NBEAL1: variants seen among roughly 807,000 people sequenced by gnomAD.
NBEAL1 encodes neurobeachin like 1.
NBEAL1 carries 273 observed loss-of-function variants against 351.3 expected under a neutral mutation model. That is an observed-to-expected ratio of 0.78 (90% CI 0.70 to 0.86). NBEAL1 has a LOEUF of 0.86. NBEAL1 is among the 40% of genes least tolerant of loss of function. NBEAL1 has a pLI of 0.00. For synonymous variants in NBEAL1, 1,050 were observed against 1,086.4 expected (o/e 0.97, Z 0.66); for missense variants, 2,961 against 3,201.3 (o/e 0.92, Z 1.81).
At chr2:203,195,865 C>G (rs2065226985) in intron 47 of NBEAL1, among the ~76,000 whole-genome samples, 1 of 152,170 alleles carries the variant, frequency 6.6e-6, no homozygotes, top group South Asian at 2.1e-4. Flanking sequence ...ATTCCAAACT[C>G]CAGAAGAAAA....
At chr2:203,125,072 T>C (rs1241543252) in intron 19 of NBEAL1, among the ~76,000 whole-genome samples, 1 of 152,204 alleles carries the variant, frequency 6.6e-6, no homozygotes, top group East Asian at 1.9e-4. Flanking sequence ...AGTCCACTTA[T>C]GGGGCTATGT....
At position 203,201,665 on chromosome 2, in the gene NBEAL1, T is replaced by G; in HGVS notation, c.7361T>G (p.Val2454Gly). The G allele has an allele frequency of 1.2e-6, 2 of 1,609,820 alleles. No individual in the cohort carries two copies. Among genetic ancestry groups the G allele is most frequent in the Non-Finnish European group, 1.7e-6 (2 of 1,177,550 alleles). ...SAGYWDNSIQ[V>G]MSLTKGKIIS... ...GGATACTGGGATAATAGCATTCAAGTGATGTCACTTACAAAAGGCAAAATT... is the reference window on the plus strand; with the variant it reads ...GGATACTGGGATAATAGCATTCAAGGGATGTCACTTACAAAAGGCAAAATT... Residue 2454 changes from valine to glycine, a missense_variant, in exon 50 of 56, where the codon GTG becomes GGG. Val to Gly is a moderately radical substitution (Grantham distance 109, BLOSUM62 -3). Coordinates refer to ENST00000683969, the MANE Select transcript of NBEAL1 (RefSeq NM_001378026.1).
intron 45 of NBEAL1, among the ~76,000 whole-genome samples, 184 bp downstream of exon 45, chr2:203,188,773 CTAAT>C (rs1418466469): frequency 6.6e-6 from 1 of 152,186 alleles, no homozygotes; most frequent in Non-Finnish European, 1.5e-5. Context: ...ATATGCCAAT[CTAAT>C]TATAAATGTC....
At chr2:203,154,096 C>T (rs760647506) in intron 35 of NBEAL1, among the ~76,000 whole-genome samples, 3 of 151,196 alleles carry the variant, frequency 2.0e-5, no homozygotes, top group Admixed American at 6.6e-5. Context: ...ATTAGCCGGG[C>T]GTAGTGACGT....
At chr2:203,087,185 T>C (rs1360704592) in intron 10 of NBEAL1, among the ~76,000 whole-genome samples, 1 of 147,622 alleles carries the variant, frequency 6.8e-6, no homozygotes, top group Non-Finnish European at 1.5e-5. Flanking sequence ...CTCCGCCTCC[T>C]GGGTTCAAGC....
chr2:203,070,505 A>G (rs888699794), intron 7 of NBEAL1, among the ~76,000 whole-genome samples: 2 of 152,040 alleles, frequency 1.3e-5, no homozygotes, highest in Non-Finnish European at 2.9e-5. Flanking sequence ...CTGGGACTAC[A>G]TGAATGCACC....
At position 203,062,340 on chromosome 2, in the gene NBEAL1, CCAG is replaced by C; in HGVS notation, c.515+4890_515+4892del. On this transcript the variant is annotated intron_variant, in intron 6 of 55. Coordinates refer to ENST00000683969, the MANE Select transcript of NBEAL1 (RefSeq NM_001378026.1). The surrounding 1 kb of genome is among the most constrained non-coding windows in gnomAD (Gnocchi z 4.2). Reference sequence around the variant, plus strand: ...TATAAGAGTTTCTTCTGGGAAAAATCCAGCAACGCCCACTCCTGAGGGGTGAAG... The same window carrying C: ...TATAAGAGTTTCTTCTGGGAAAAATCCAACGCCCACTCCTGAGGGGTGAAG... The C allele has an allele frequency of 2.0e-6, 1 of 489,758 alleles. No homozygotes were observed. The highest frequency in any genetic ancestry group is 1.5e-5 in the South Asian group (1 of 67,374). 30.3% of individuals were successfully genotyped at this position (489,758 alleles called of 1,614,324 possible). A position where few individuals can be genotyped will look rare whatever the true frequency, so the allele number is the denominator to read the frequency against.
chr2:203,077,182 C>A (rs949964881), intron 7 of NBEAL1, among the ~76,000 whole-genome samples: 2 of 151,858 alleles, frequency 1.3e-5, no homozygotes, highest in African/African-American at 4.8e-5. Context: ...GAGGCTGAGG[C>A]GGGTGGGTCA....
At chr2:203,093,334 G>A (rs970930299) in intron 10 of NBEAL1, among the ~76,000 whole-genome samples, 1 of 149,734 alleles carries the variant, frequency 6.7e-6, no homozygotes, top group Non-Finnish European at 1.5e-5. Context: ...TTTTTCTTCA[G>A]TATATGAAAC....
At chr2:203,095,791 G>A (rs934037195) in intron 10 of NBEAL1, among the ~76,000 whole-genome samples, 3 of 150,662 alleles carry the variant, frequency 2.0e-5, no homozygotes, top group Non-Finnish European at 3.0e-5. Flanking sequence ...TTGTTTTTTT[G>A]AGTCAGAGTC....
Position 203,188,551 on chromosome 2 carries a change from T to C in NBEAL1, c.6785T>C (p.Val2262Ala). 1 of 1,608,330 alleles carries C rather than the reference T, an allele frequency of 6.2e-7. No homozygotes were observed. Among genetic ancestry groups the C allele is most frequent in the Admixed American group, 1.7e-5 (1 of 59,210 alleles). The change falls in exon 45 of 56, where the codon GTA becomes GCA. Residue 2262 changes from valine to alanine, a missense_variant. Transcript: ENST00000683969. ...TATAAACAGAGGGGACCAGCTGCAG[T>C]AGAGGCACTCAACGTTTTCTATTAT... ...FGYKQRGPAAVEALNVFYYCS... is the reference protein window; with the variant it reads ...FGYKQRGPAAAEALNVFYYCS...
At position 203,037,387 on chromosome 2, in the gene NBEAL1, A is replaced by C. The variant is rs952312342; in HGVS notation, c.52-4378A>C. On this transcript the variant is annotated intron_variant, in intron 2 of 55. Coordinates refer to ENST00000683969, the MANE Select transcript of NBEAL1 (RefSeq NM_001378026.1). Reference sequence around the variant, plus strand: ...AGGAGGCAAAGGAAAAGAATTGAGCATCATTTTTTGAGATACAGTTAATGT... The same window carrying C: ...AGGAGGCAAAGGAAAAGAATTGAGCCTCATTTTTTGAGATACAGTTAATGT... Among the ~76,000 whole-genome samples the C allele has an allele frequency of 9.4e-5, 14 of 149,314 alleles. 1 individual carries two copies. The highest frequency in any genetic ancestry group is 2.1e-4 in the Non-Finnish European group (14 of 66,624).
At position 203,155,191 on chromosome 2, in the gene NBEAL1, T is replaced by C. The variant is rs1575056149; in HGVS notation, c.5588-2508T>C. ...TGAGCCCAGGAGATTGAGGCTGTAG[T>C]GAGCCATGATTATACCACTTCATTC... On this transcript the variant is annotated intron_variant, in intron 35 of 55. Transcript: ENST00000683969. Among the ~76,000 whole-genome samples, 4 of 149,434 alleles carry C rather than the reference T, an allele frequency of 2.7e-5. No homozygotes were observed. In the East Asian group the frequency reaches 5.9e-4, roughly 22 times the overall value.
intron 33 of NBEAL1, among the ~76,000 whole-genome samples, chr2:203,145,518 C>A (rs547467551): frequency 6.6e-6 from 1 of 152,224 alleles, no homozygotes; most frequent in South Asian, 2.1e-4. Flanking sequence ...AGAGAAATGG[C>A]CGGGCGAGGT....
chr2:203,182,650 TTG>T (rs1410518340), intron 43 of NBEAL1: 1 of 152,256 alleles, frequency 6.6e-6, no homozygotes, highest in Non-Finnish European at 1.5e-5. Flanking sequence ...CCTCTCCAAC[TTG>T]TGATACACTG....
chr2:203,152,529 G>T (rs953364883), intron 35 of NBEAL1, among the ~76,000 whole-genome samples: 1 of 151,436 alleles, frequency 6.6e-6, no homozygotes, highest in African/African-American at 2.4e-5. Flanking sequence ...GGCGGAGGTT[G>T]CAGTGACCTG....
intron 51 of NBEAL1, 101 bp downstream of exon 51, chr2:203,202,882 C>G (rs1200404691): frequency 2.9e-6 from 2 of 697,874 alleles, no homozygotes; most frequent in Non-Finnish European, 5.1e-6. Context: ...CTGGCAGTGA[C>G]TGAGCTCCTT....
chr2:203,033,231 A>T (rs1387137593), intron 2 of NBEAL1, among the ~76,000 whole-genome samples: 1 of 151,478 alleles, frequency 6.6e-6, no homozygotes, highest in Non-Finnish European at 1.5e-5. Flanking sequence ...CGATCTCCTG[A>T]CCTCGTGATC....
chr2:203,053,045 G>A (rs889363407), intron 4 of NBEAL1, among the ~76,000 whole-genome samples: 1 of 152,126 alleles, frequency 6.6e-6, no homozygotes, highest in African/African-American at 2.4e-5. Flanking sequence ...AAAAACATCT[G>A]TGTGCAGATT....
Sources: gnomAD v4.1 joint callset for allele counts (sites outside exome capture counted in the v4.1 genomes callset) on GRCh38, gnomAD v4.1.1 for gene constraint, Gnocchi (gnomAD v3.1) non-coding constraint, MANE v1.5 for transcripts, NCBI Gene and HGNC (gene_info 2026-07-23, HGNC 2026-07-21) for gene names.